Variants in RAP1GAP2 observed in about 807,000 individuals in gnomAD.
RAP1GAP2 encodes the protein rap1 GTPase-activating protein 2.
Under a neutral mutation model 95.0 loss-of-function variants are expected in RAP1GAP2, and 27 were observed. That is an observed-to-expected ratio of 0.28 (90% CI 0.21 to 0.39). The LOEUF (loss-of-function observed/expected upper bound fraction) is 0.39. RAP1GAP2 is among the 10% of genes least tolerant of loss of function. The pLI is 1.00. For synonymous variants in RAP1GAP2, 373 were observed against 380.9 expected, an observed-to-expected ratio of 0.98 and a Z score of 0.24; for missense variants, 771 against 970.0, an observed-to-expected ratio of 0.79 and a Z score of 2.72.
At chr17:2,882,201 A>G (rs2073330480) in intron 2 of RAP1GAP2, among the ~76,000 whole-genome samples, 1 of 141,844 alleles carries the variant, frequency 7.1e-6, no homozygotes, top group East Asian at 2.0e-4. Flanking sequence ...TTCTTGGCTC[A>G]CTGCAGCCTC....
At chr17:2,868,482 A>G (rs942752800) in intron 2 of RAP1GAP2, among the ~76,000 whole-genome samples, 1 of 152,014 alleles carries the variant, frequency 6.6e-6, no homozygotes, top group Non-Finnish European at 1.5e-5. Context: ...TGTGTAGGCA[A>G]AAATCTTATT....
intron 8 of RAP1GAP2, among the ~76,000 whole-genome samples, chr17:2,969,179 C>CTATCTATCTATATATA (rs1555581850): frequency 4.2e-5 from 6 of 143,138 alleles, no homozygotes; most frequent in South Asian, 4.5e-4. Flanking sequence ...ATCTATCTAT[C>CTATCTATCTATATATA]TATATATATA....
chr17:2,867,411 T>C lies in RAP1GAP2; in HGVS notation c.81-37873T>C, dbSNP rs2072658960. Among the ~76,000 whole-genome samples, 1 of 152,192 alleles carries C rather than the reference T, an allele frequency of 6.6e-6. No individual in the cohort carries two copies. The highest frequency in any genetic ancestry group is 1.5e-5 in the Non-Finnish European group (1 of 68,038). On this transcript the variant is annotated intron_variant, in intron 2 of 24. Transcript: ENST00000254695. This position sits in a 1 kb window ranked among gnomAD's most constrained non-coding sequence, Gnocchi z 4.5. ...CCCGTCTCTAGGCTGTGCCTTCCTT[T>C]GGGTTGCCTTCGTCCTCAGGTACCT... is the stretch of plus-strand genomic sequence containing the variant.
intron 17 of RAP1GAP2, among the ~76,000 whole-genome samples, chr17:3,009,290 T>C (rs1257875614): frequency 6.6e-6 from 1 of 152,230 alleles, no homozygotes; most frequent in Admixed American, 6.5e-5. Context: ...GTTATTACAG[T>C]TGTATAAAGT....
At chr17:3,009,018 G>A (rs368299618) in intron 17 of RAP1GAP2, among the ~76,000 whole-genome samples, 2 of 152,140 alleles carry the variant, frequency 1.3e-5, no homozygotes, top group African/African-American at 4.8e-5. Flanking sequence ...CTGTTAGAAG[G>A]TGATTTGGAA....
chr17:2,848,958 G>T (rs1208970675), intron 2 of RAP1GAP2, among the ~76,000 whole-genome samples: 1 of 152,202 alleles, frequency 6.6e-6, no homozygotes, highest in Admixed American at 6.5e-5. Flanking sequence ...ACTGTGCTGT[G>T]GCCCAGCAGG....
chr17:2,915,249 G>A (rs974607705), intron 3 of RAP1GAP2, among the ~76,000 whole-genome samples: 3 of 150,918 alleles, frequency 2.0e-5, no homozygotes, highest in African/African-American at 7.3e-5. Flanking sequence ...TTATTTTTTG[G>A]ATACAAGGTC....
intron 3 of RAP1GAP2, among the ~76,000 whole-genome samples, chr17:2,927,813 C>T (rs557121499): frequency 6.6e-6 from 1 of 152,362 alleles, no homozygotes; most frequent in African/African-American, 2.4e-5. Flanking sequence ...GCATAGCGGG[C>T]CTTCCCTCTG....
chr17:2,931,562 G>T (rs141158281), intron 3 of RAP1GAP2, among the ~76,000 whole-genome samples: 1 of 152,200 alleles, frequency 6.6e-6, no homozygotes, highest in Admixed American at 6.5e-5. Context: ...TGGGGCAATC[G>T]TGTTATTTAA....
intron 3 of RAP1GAP2, among the ~76,000 whole-genome samples, chr17:2,920,013 T>G (rs2042702128): frequency 6.8e-6 from 1 of 147,706 alleles, no homozygotes; most frequent in South Asian, 2.1e-4. Flanking sequence ...CTTTTTTCTT[T>G]TTTTTTTTTT....
upstream of RAP1GAP2, among the ~76,000 whole-genome samples, chr17:2,774,803 C>T (rs564659515): frequency 6.9e-6 from 1 of 144,736 alleles, no homozygotes; most frequent in African/African-American, 2.6e-5. Context: ...CCATACCTGG[C>T]CTCCCTGCTA....
intron 2 of RAP1GAP2, among the ~76,000 whole-genome samples, chr17:2,834,534 C>T (rs1392161160): frequency 6.6e-6 from 1 of 152,192 alleles, no homozygotes; most frequent in African/African-American, 2.4e-5. Flanking sequence ...TGGTATCTCA[C>T]ACCTGTAATC....
In RAP1GAP2 at chr17:2,992,365, C is replaced by T. The variant is rs564576615; in HGVS notation, c.914+968C>T. ...TTGGTAGAGACGGGGTTTCACCATG[C>T]TAGCCAGGATGGTCTCGATCTCCTG... On this transcript the variant is annotated intron_variant, in intron 12 of 24. Transcript: ENST00000254695. Among the ~76,000 whole-genome samples, 408 of 152,002 alleles carry T rather than the reference C, an allele frequency of 2.7e-3. 2 individuals are homozygous for T. Among genetic ancestry groups the T allele is most frequent in the African/African-American group, 9.4e-3 (391 of 41,486 alleles).
intron 2 of RAP1GAP2, among the ~76,000 whole-genome samples, chr17:2,820,806 C>T (rs1289406114): frequency 6.6e-6 from 1 of 151,038 alleles, no homozygotes; most frequent in Non-Finnish European, 1.5e-5. Flanking sequence ...ACTAAAATCT[C>T]CGCCTCCCGG....
intron 2 of RAP1GAP2, among the ~76,000 whole-genome samples, chr17:2,849,374 G>A (rs556098971): frequency 5.1e-4 from 77 of 152,324 alleles, no homozygotes; most frequent in African/African-American, 1.7e-3. Context: ...ACGAGGTGGC[G>A]TCTGCTGCAG....
At chr17:2,873,920 G>A (rs2072968548) in intron 2 of RAP1GAP2, among the ~76,000 whole-genome samples, 2 of 151,390 alleles carry the variant, frequency 1.3e-5, no homozygotes, top group African/African-American at 2.4e-5. Context: ...GCGCCACCAC[G>A]CCTGGCTAAT....
At position 2,985,103 on chromosome 17, in the gene RAP1GAP2, TG is replaced by T. The variant is rs1281895615; in HGVS notation, c.813+39del. On this transcript the variant is annotated intron_variant, in intron 11 of 24. Coordinates refer to ENST00000254695, the MANE Select transcript of RAP1GAP2 (RefSeq NM_015085.5). ...CATCCATACCGGTGACTGTATCCCGTGGTTTCTCACTTAGGACTCTTTTTAT... is the reference window on the plus strand; with the variant it reads ...CATCCATACCGGTGACTGTATCCCGTGTTTCTCACTTAGGACTCTTTTTAT... 3 of 1,611,912 alleles carry T rather than the reference TG, an allele frequency of 1.9e-6. No individual in the cohort carries two copies. The African/African-American group carries it at 4.0e-5, about 22-fold the overall frequency.
chr17:2,893,472 G>T (rs1597535788), intron 2 of RAP1GAP2, among the ~76,000 whole-genome samples: 1 of 152,164 alleles, frequency 6.6e-6, no homozygotes, highest in Non-Finnish European at 1.5e-5. Flanking sequence ...AGGAAGTGAG[G>T]GTACATAGTT....
chr17:2,889,890 T>TATATATATATATATATA (rs1491260344), intron 2 of RAP1GAP2, among the ~76,000 whole-genome samples: 1 of 29,634 alleles, frequency 3.4e-5, no homozygotes, highest in Admixed American at 5.2e-4. Context: ...TATATATATA[T>TATATATATATATATATA]TTTTTTTTTT....
Sources: allele counts gnomAD v4.1 joint callset (sites outside exome capture counted in the v4.1 genomes callset), GRCh38; gene constraint gnomAD v4.1.1; non-coding constraint Gnocchi (gnomAD v3.1); transcripts MANE v1.5; gene names NCBI Gene and HGNC (gene_info 2026-07-23, HGNC 2026-07-21).